Variants in HMCN1 observed in about 807,000 individuals in gnomAD.
The protein encoded by HMCN1 is hemicentin-1.
In HMCN1, 321 loss-of-function variants were observed where a neutral mutation model predicts 625.9. The ratio of observed to expected loss-of-function variants is 0.51; its 90% CI spans 0.47 to 0.56. The LOEUF (loss-of-function observed/expected upper bound fraction) is 0.56, where lower values mean the gene tolerates loss of function less well. Ranked by LOEUF, HMCN1 falls within the 20% of genes least tolerant of loss-of-function variation. HMCN1 has a pLI of 0.00. For synonymous variants in HMCN1, 2,425 were observed against 2,417.6 expected, an observed-to-expected ratio of 1.00 and a Z score of -0.09; for missense variants, 6,588 against 6,887.3, an observed-to-expected ratio of 0.96 and a Z score of 1.54.
At position 185,883,383 on chromosome 1, in the gene HMCN1, A is replaced by G. The variant is rs144688055; in HGVS notation, c.621+17520A>G. On this transcript the variant is annotated intron_variant, in intron 4 of 106. Coordinates refer to ENST00000271588, the MANE Select transcript of HMCN1 (RefSeq NM_031935.3). ...ATACAGAACATTTCAACCACCCTTAAAACTTCCCTTATGCCCCCTTTCACT... is the reference window on the plus strand; with the variant it reads ...ATACAGAACATTTCAACCACCCTTAGAACTTCCCTTATGCCCCCTTTCACT... Among the ~76,000 whole-genome samples, 521 of 152,086 alleles carry G rather than the reference A, an allele frequency of 3.4e-3. 2 individuals are homozygous for G. Among genetic ancestry groups the G allele is most frequent in the Non-Finnish European group, 4.4e-3 (298 of 67,860 alleles).
chr1:186,110,044 A>G (rs149159498), intron 71 of HMCN1, among the ~76,000 whole-genome samples: 144 of 152,332 alleles, frequency 9.5e-4, no homozygotes, highest in African/African-American at 3.4e-3. Context: ...CTTGTGATGA[A>G]AAATGAAAAA....
intron 68 of HMCN1, among the ~76,000 whole-genome samples, chr1:186,102,310 AAGG>A (rs1355224447): frequency 1.3e-5 from 2 of 152,134 alleles, no homozygotes; most frequent in South Asian, 2.1e-4. Context: ...ATAATCTAAG[AAGG>A]AGAACTGACT....
rs754521674 is a variant in HMCN1 at position 185,928,686 on chromosome 1, T to C, written c.1552+19T>C. The C allele has an allele frequency of 1.2e-6, 2 of 1,612,522 alleles. No individual in the cohort carries two copies. The highest frequency in any genetic ancestry group is 4.5e-5 in the East Asian group (2 of 44,836). The stretch of plus-strand genomic sequence containing the variant: ...GTATCAGGTAATTACCACTAATTTC[T>C]TTGCAGTTGCCCAAGTATTAATGCA... On this transcript the variant is annotated intron_variant, in intron 10 of 106. Transcript: ENST00000271588.
intron 11 of HMCN1, among the ~76,000 whole-genome samples, chr1:185,956,727 T>C (rs1649658872): frequency 6.6e-6 from 1 of 152,148 alleles, no homozygotes; most frequent in Non-Finnish European, 1.5e-5. Context: ...CTCCCTTCCC[T>C]GGATTTTGAG....
intron 104 of HMCN1, 88 bp downstream of exon 104, chr1:186,178,854 G>A (rs1652763803): frequency 2.2e-6 from 2 of 923,348 alleles, no homozygotes; most frequent in Non-Finnish European, 1.8e-6. Context: ...TTTGAGTGCA[G>A]TGAACTACAT....
chr1:185,993,096 T>C (rs1652542729), intron 22 of HMCN1, 86 bp from the exon 23 acceptor site: 3 of 1,310,836 alleles, frequency 2.3e-6, no homozygotes, highest in Non-Finnish European at 3.3e-6. Flanking sequence ...ACTTGCAGAG[T>C]AGTAATTTCA....
At chr1:186,078,708 C>T (rs903070722) in intron 55 of HMCN1, among the ~76,000 whole-genome samples, 3 of 152,122 alleles carry the variant, frequency 2.0e-5, no homozygotes, top group Admixed American at 6.5e-5. Context: ...ATTGAATTTC[C>T]GTGGTTTTAA....
At chr1:185,845,477 T>A (rs1281872237) in intron 1 of HMCN1, among the ~76,000 whole-genome samples, 1 of 152,196 alleles carries the variant, frequency 6.6e-6, no homozygotes, top group Admixed American at 6.5e-5. Flanking sequence ...CGCCTTGGAC[T>A]CCCAAAGTGC....
chr1:185,785,736 G>A (rs1019242728), intron 1 of HMCN1, among the ~76,000 whole-genome samples: 3 of 152,214 alleles, frequency 2.0e-5, no homozygotes, highest in Admixed American at 2.0e-4. Flanking sequence ...CAAATGTAAT[G>A]TGATCCTGTT....
chr1:185,865,397 C>T (rs1416635050), intron 3 of HMCN1, among the ~76,000 whole-genome samples: 1 of 152,096 alleles, frequency 6.6e-6, no homozygotes, highest in Non-Finnish European at 1.5e-5. Flanking sequence ...ATAAGAAGAA[C>T]TCAGAATCTT....
At chr1:186,031,972 C>A (rs1655478311) in intron 36 of HMCN1, among the ~76,000 whole-genome samples, 1 of 151,724 alleles carries the variant, frequency 6.6e-6, no homozygotes, top group African/African-American at 2.4e-5. Flanking sequence ...GATTCTAGGA[C>A]CCCACATGGA....
intron 33 of HMCN1, among the ~76,000 whole-genome samples, chr1:186,017,909 C>T (rs1558147727): frequency 1.3e-5 from 2 of 151,948 alleles, no homozygotes; most frequent in Non-Finnish European, 2.9e-5. Flanking sequence ...AGCATTTATC[C>T]TTTGTATTAC....
chr1:185,773,221 A>G (rs1004191815), intron 1 of HMCN1, among the ~76,000 whole-genome samples: 13 of 152,174 alleles, frequency 8.5e-5, no homozygotes, highest in Admixed American at 5.9e-4. Flanking sequence ...ACTGGCATGT[A>G]GGATGTAGAT....
At chr1:186,046,759 G>A (rs1047909639) in intron 41 of HMCN1, among the ~76,000 whole-genome samples, 2 of 152,100 alleles carry the variant, frequency 1.3e-5, no homozygotes, top group African/African-American at 2.4e-5. Context: ...ATTTAACAAA[G>A]TGAATGTTTG....
intron 97 of HMCN1, among the ~76,000 whole-genome samples, chr1:186,160,167 G>T (rs993788950): frequency 5.3e-5 from 8 of 150,350 alleles, no homozygotes; most frequent in African/African-American, 2.0e-4. Context: ...ATGTGTCCAG[G>T]AATTTATCCA....
intron 4 of HMCN1, among the ~76,000 whole-genome samples, chr1:185,908,902 A>G (rs1666252219): frequency 6.6e-6 from 1 of 151,148 alleles, no homozygotes; most frequent in Admixed American, 6.6e-5. Flanking sequence ...TGGATTTGAT[A>G]ATTTGCTAAG....
At chr1:186,091,059 T>A (rs1044494101) in intron 64 of HMCN1, 142 bp downstream of exon 64, 1 of 882,988 alleles carries the variant, frequency 1.1e-6, no homozygotes, top group African/African-American at 1.7e-5. Context: ...AACAAAAAAC[T>A]TTTTTTTGAG....
intron 8 of HMCN1, 138 bp downstream of exon 8, chr1:185,923,791 C>T: frequency 2.7e-6 from 2 of 737,120 alleles, no homozygotes; most frequent in East Asian, 5.1e-5. Flanking sequence ...TGGATATTTA[C>T]ATGTACGGTA....
At chr1:185,989,141 G>A (rs561797711) in intron 20 of HMCN1, among the ~76,000 whole-genome samples, 9 of 151,272 alleles carry the variant, frequency 5.9e-5, no homozygotes, top group African/African-American at 1.9e-4. Context: ...CCGAGTAGCT[G>A]GGACTACAGG....
Sources: allele counts gnomAD v4.1 joint callset (sites outside exome capture counted in the v4.1 genomes callset), GRCh38; gene constraint gnomAD v4.1.1; transcripts MANE v1.5; gene names NCBI Gene and HGNC (gene_info 2026-07-23, HGNC 2026-07-21).